UBE2R2: variants seen among roughly 807,000 people sequenced by gnomAD.
The protein encoded by UBE2R2 is ubiquitin conjugating enzyme E2 R2.
Under a neutral mutation model 27.8 loss-of-function variants are expected in UBE2R2, and 1 was observed. The observed-to-expected ratio is 0.04, with a 90% confidence interval of 0.01 to 0.17. The LOEUF (loss-of-function observed/expected upper bound fraction) is 0.17, where lower values mean the gene tolerates loss of function less well. UBE2R2 is among the 10% of genes least tolerant of loss of function. The probability of loss-of-function intolerance (pLI) is 1.00; values close to 1 mark genes in which losing one functional copy is unlikely to be tolerated. For missense variants in UBE2R2, 100 were observed against 291.0 expected, an observed-to-expected ratio of 0.34 and a Z score of 4.78; for synonymous variants, 106 against 113.3, an observed-to-expected ratio of 0.94 and a Z score of 0.41.
chr9:33,900,995 A>G (rs1822233133), intron 3 of UBE2R2, among the ~76,000 whole-genome samples: 1 of 151,930 alleles, frequency 6.6e-6, no homozygotes, highest in Non-Finnish European at 1.5e-5. Flanking sequence ...TCTTCCCGTC[A>G]CCCAGACTGG....
chr9:33,866,981 A>G (rs1360550027), intron 1 of UBE2R2, among the ~76,000 whole-genome samples: 3 of 152,128 alleles, frequency 2.0e-5, no homozygotes, highest in Admixed American at 6.6e-5. Flanking sequence ...CAGAATTATC[A>G]ATGTTTTCTT....
Position 33,853,157 on chromosome 9 carries a change from A to AT in UBE2R2, c.178-33721dup, listed in dbSNP as rs1254416485. Among the ~76,000 whole-genome samples, 3 of 151,122 alleles carry AT rather than the reference A, an allele frequency of 2.0e-5. No homozygotes were observed. The East Asian group carries it at 5.8e-4, about 29-fold the overall frequency. On this transcript the variant is annotated intron_variant, in intron 1 of 4. Transcript: ENST00000263228. Reference sequence around the variant, plus strand: ...AGCACTTCAGAAATTTGTTTCAAGTATTTATTTAAGGCCTACTATCTGTAC... The same window carrying AT: ...AGCACTTCAGAAATTTGTTTCAAGTATTTTATTTAAGGCCTACTATCTGTAC...
intron 1 of UBE2R2, among the ~76,000 whole-genome samples, chr9:33,868,823 T>A (rs1821419939): frequency 1.3e-5 from 2 of 152,126 alleles, no homozygotes; most frequent in Admixed American, 1.3e-4. Flanking sequence ...CAGGCACAAA[T>A]CCAAATACAA....
intron 1 of UBE2R2, among the ~76,000 whole-genome samples, chr9:33,834,624 A>T (rs1301610052): frequency 6.6e-6 from 1 of 152,010 alleles, no homozygotes; most frequent in Non-Finnish European, 1.5e-5. Context: ...AAATTAGAAA[A>T]TATAGACCTC....
chr9:33,867,207 G>T (rs1821383900), intron 1 of UBE2R2, among the ~76,000 whole-genome samples: 1 of 151,704 alleles, frequency 6.6e-6, no homozygotes, highest in African/African-American at 2.4e-5. Flanking sequence ...TTTATTTTTT[G>T]AATCTCTTTT....
intron 3 of UBE2R2, among the ~76,000 whole-genome samples, chr9:33,904,327 C>CT (rs1822306217): frequency 6.6e-6 from 1 of 152,160 alleles, no homozygotes; most frequent in Admixed American, 6.5e-5. Flanking sequence ...CAGCAACTGT[C>CT]TAAGGGTTCT....
In UBE2R2 at chr9:33,917,045, A is replaced by G. The variant is rs199894950; in HGVS notation, c.525A>G (p.Glu175=). The G allele has an allele frequency of 1.2e-6, 2 of 1,614,256 alleles. No individual in the cohort carries two copies. Among genetic ancestry groups the G allele is most frequent in the African/African-American group, 1.3e-5 (1 of 75,074 alleles). ...AACAAGTTTCAGCCACTAAGGCCGA[A>G]GCAGAAAAGGATGGAGTGAAGGTCC... ...IRKQVSATKA[E]AEKDGVKVPT... Residue 175 remains glutamate (E), a synonymous_variant, in exon 5 of 5, where the codon GAA becomes GAG. Coordinates refer to ENST00000263228, the MANE Select transcript of UBE2R2 (RefSeq NM_017811.4).
chr9:33,822,543 C>T (rs1025329065), intron 1 of UBE2R2, among the ~76,000 whole-genome samples: 3 of 151,540 alleles, frequency 2.0e-5, no homozygotes, highest in Admixed American at 6.6e-5. Flanking sequence ...CCTCTTGCCT[C>T]ACCCTCCTGA....
intron 1 of UBE2R2, among the ~76,000 whole-genome samples, chr9:33,845,595 G>A (rs1820827321): frequency 6.6e-6 from 1 of 151,948 alleles, no homozygotes; most frequent in South Asian, 2.1e-4. Context: ...ATGATTTAAT[G>A]AACTAATCAT....
rs1211547067 is a variant in UBE2R2 at position 33,857,031 on chromosome 9, G to A, written c.178-29850G>A. 2.6e-5 allele frequency among the ~76,000 whole-genome samples: 4 copies of A among 151,186 alleles called. No homozygotes were observed. The East Asian group carries it at 7.9e-4, about 30-fold the overall frequency. ...CCTGCCTTAGCCTCCCGAGTAGCTG[G>A]GATTACAGGCGCGTGCCACCAGGCC... is the stretch of plus-strand genomic sequence containing the variant. On this transcript the variant is annotated intron_variant, in intron 1 of 4. Transcript: ENST00000263228.
chr9:33,867,077 T>G (rs562432589), intron 1 of UBE2R2, among the ~76,000 whole-genome samples: 22 of 152,314 alleles, frequency 1.4e-4, no homozygotes, highest in African/African-American at 5.0e-4. Context: ...GGTGGTAAAG[T>G]ATATATAACA....
At chr9:33,822,125 C>G (rs1186423769) in intron 1 of UBE2R2, among the ~76,000 whole-genome samples, 2 of 146,898 alleles carry the variant, frequency 1.4e-5, no homozygotes, top group Non-Finnish European at 3.0e-5. Flanking sequence ...GAGTTTTGCT[C>G]TTATTGCCCA....
chr9:33,818,529 T>TAAAAAA (rs548358025), intron 1 of UBE2R2: 6 of 98,702 alleles, frequency 6.1e-5, no homozygotes, highest in Non-Finnish European at 1.2e-4. Flanking sequence ...CTAGGGGTGG[T>TAAAAAA]AAAAAAAAAA....
intron 1 of UBE2R2, among the ~76,000 whole-genome samples, chr9:33,876,525 C>G (rs1000828666): frequency 1.3e-5 from 2 of 152,132 alleles, no homozygotes; most frequent in Non-Finnish European, 2.9e-5. Context: ...TGAAGGAGTT[C>G]TTAGTACAAT....
rs1464232098 is a variant in UBE2R2, at chr9:33,918,186, A to AG, written c.*950dup. On this transcript the variant is annotated 3_prime_UTR_variant, in exon 5 of 5. Coordinates refer to ENST00000263228, the MANE Select transcript of UBE2R2 (RefSeq NM_017811.4). Reference sequence around the variant, plus strand: ...TTGGGAGAGGAAACATCTGTTTTATAGATTTAGCATGGCCTTCCCATCAAA... The same window carrying AG: ...TTGGGAGAGGAAACATCTGTTTTATAGGATTTAGCATGGCCTTCCCATCAAA... 1 of 152,330 alleles carries AG rather than the reference A, an allele frequency of 6.6e-6. No individual in the cohort carries two copies. Among genetic ancestry groups the AG allele is most frequent in the Non-Finnish European group, 1.5e-5 (1 of 68,028 alleles). The allele number at this position is 152,330 out of a possible 1,614,324, so 9.4% of individuals were successfully genotyped here. A position where few individuals can be genotyped will look rare whatever the true frequency, so the allele number is the denominator to read the frequency against.
At chr9:33,882,379 C>T (rs1012649440) in intron 1 of UBE2R2, among the ~76,000 whole-genome samples, 10 of 152,026 alleles carry the variant, frequency 6.6e-5, no homozygotes, top group East Asian at 3.9e-4. Context: ...CTCTCCTGCC[C>T]GGGTTCAAGC....
In UBE2R2 at chr9:33,919,429, T is replaced by C. The variant is rs1822742257; in HGVS notation, c.*2192T>C. 6.6e-6 allele frequency: 1 copy of C among 152,208 alleles called. No individual in the cohort carries two copies. The highest frequency in any genetic ancestry group is 2.1e-4 in the South Asian group (1 of 4,824). The allele number at this position is 152,208 out of a possible 1,614,324, so 9.4% of individuals were successfully genotyped here. On this transcript the variant is annotated 3_prime_UTR_variant, in exon 5 of 5. Coordinates refer to ENST00000263228, the MANE Select transcript of UBE2R2 (RefSeq NM_017811.4). ...CAGGGCAGCCCCAGCACCCTGGCATTGCGGGAGGTGCTCTGCTGCACAGCT... is the reference window on the plus strand; with the variant it reads ...CAGGGCAGCCCCAGCACCCTGGCATCGCGGGAGGTGCTCTGCTGCACAGCT...
At chr9:33,823,414 T>C (rs937793746) in intron 1 of UBE2R2, among the ~76,000 whole-genome samples, 2 of 152,144 alleles carry the variant, frequency 1.3e-5, no homozygotes, top group Non-Finnish European at 2.9e-5. Context: ...CTTGCTCTGT[T>C]GCGCAGGCTG....
At chr9:33,867,160 TTA>T (rs1432675000) in intron 1 of UBE2R2, among the ~76,000 whole-genome samples, 1 of 152,154 alleles carries the variant, frequency 6.6e-6, no homozygotes, top group Non-Finnish European at 1.5e-5. Context: ...AGTGCTGGGA[TTA>T]CAAGCGTGAA....
Sources: allele counts gnomAD v4.1 joint callset (sites outside exome capture counted in the v4.1 genomes callset), GRCh38; gene constraint gnomAD v4.1.1; transcripts MANE v1.5; gene names NCBI Gene and HGNC (gene_info 2026-07-23, HGNC 2026-07-21).